The following LSAMP variants were observed in gnomAD, a reference collection of about 807,000 sequenced individuals.
The protein encoded by LSAMP is limbic system associated membrane protein.
A neutral mutation model predicts 38.6 loss-of-function variants in LSAMP; 7 were observed. The ratio of observed to expected loss-of-function variants is 0.18; its 90% confidence interval spans 0.10 to 0.34. The LOEUF (loss-of-function observed/expected upper bound fraction) is 0.34. LSAMP is among the 10% of genes least tolerant of loss of function. The probability of loss-of-function intolerance (pLI) is 1.00; values close to 1 mark genes in which losing one functional copy is unlikely to be tolerated. For missense variants in LSAMP, 313 were observed against 420.0 expected, an observed-to-expected ratio of 0.75 and a Z score of 2.23; for synonymous variants, 154 against 166.8, an observed-to-expected ratio of 0.92 and a Z score of 0.59.
chr3:116,012,846 G>T (rs1389255327), intron 3 of LSAMP, among the ~76,000 whole-genome samples: 2 of 152,094 alleles, frequency 1.3e-5, no homozygotes, highest in African/African-American at 4.8e-5. Flanking sequence ...ACTGCACCAA[G>T]AACTTTGCCT....
intron 3 of LSAMP, 150 bp from the exon 4 acceptor site, chr3:115,852,767 C>T (rs1935374457): frequency 1.4e-6 from 1 of 711,488 alleles, no homozygotes; most frequent in Non-Finnish European, 2.2e-6. Context: ...CAGAAGCAGA[C>T]CTCAAGACAA....
chr3:115,936,131 C>G (rs1372188872), intron 3 of LSAMP, among the ~76,000 whole-genome samples: 1 of 152,218 alleles, frequency 6.6e-6, no homozygotes, highest in African/African-American at 2.4e-5. Flanking sequence ...GAGAACCACA[C>G]TTTCTTACAA....
chr3:116,023,599 C>T (rs1280245751), intron 2 of LSAMP, among the ~76,000 whole-genome samples: 22 of 124,398 alleles, frequency 1.8e-4, no homozygotes, highest in Admixed American at 4.1e-4. Flanking sequence ...AGCGAGACTC[C>T]GTCTCAAAAA....
chr3:116,109,313 G>A (rs1708543627), intron 1 of LSAMP, among the ~76,000 whole-genome samples: 1 of 152,266 alleles, frequency 6.6e-6, no homozygotes, highest in East Asian at 1.9e-4. Context: ...AAAGATTATA[G>A]GGTGGAGGAG....
chr3:116,402,475 C>T (rs1398827305), intron 1 of LSAMP, among the ~76,000 whole-genome samples: 2 of 151,992 alleles, frequency 1.3e-5, no homozygotes, highest in African/African-American at 4.8e-5. Context: ...TTTTTAAAAA[C>T]ATACAAACAA....
chr3:116,232,168 G>C (rs1200086763), intron 1 of LSAMP, among the ~76,000 whole-genome samples: 1 of 152,182 alleles, frequency 6.6e-6, no homozygotes, highest in Admixed American at 6.5e-5. Flanking sequence ...GGGTTTTAAT[G>C]GTAGTACAAG....
intron 3 of LSAMP, among the ~76,000 whole-genome samples, chr3:115,984,881 C>T (rs952634271): frequency 2.0e-5 from 3 of 152,014 alleles, no homozygotes; most frequent in East Asian, 1.9e-4. Context: ...TTGGCATGTA[C>T]GAAACACAGA....
chr3:116,237,000 T>TAGACATAGGTAGG (rs2046473336), intron 1 of LSAMP, among the ~76,000 whole-genome samples: 1 of 151,644 alleles, frequency 6.6e-6, no homozygotes, highest in African/African-American at 2.4e-5. Flanking sequence ...ATAGGTATAT[T>TAGACATAGGTAGG]TATATTAGAC....
chr3:115,819,566 C>A (rs1013774761), intron 6 of LSAMP, among the ~76,000 whole-genome samples: 2 of 152,144 alleles, frequency 1.3e-5, no homozygotes, highest in African/African-American at 4.8e-5. Context: ...TCTAATGGAT[C>A]TCTTAGGAAA....
At chr3:116,366,394 A>C (rs1360218772) in intron 1 of LSAMP, among the ~76,000 whole-genome samples, 1 of 152,196 alleles carries the variant, frequency 6.6e-6, no homozygotes, top group Non-Finnish European at 1.5e-5. Flanking sequence ...CATGAAAATG[A>C]AGGCCAAGAT....
chr3:115,861,883 A>T (rs10934309), intron 3 of LSAMP, among the ~76,000 whole-genome samples: 1 of 152,008 alleles, frequency 6.6e-6, no homozygotes, highest in Admixed American at 6.5e-5. Flanking sequence ...TGGAGCAGGG[A>T]CTGCAGAACA....
At chr3:115,981,174 T>G (rs985871042) in intron 3 of LSAMP, among the ~76,000 whole-genome samples, 3 of 152,088 alleles carry the variant, frequency 2.0e-5, no homozygotes, top group African/African-American at 7.2e-5. Context: ...AAAAAGAAAG[T>G]AAGTTCAGCG....
chr3:116,223,777 T>C (rs2107619648), intron 1 of LSAMP, among the ~76,000 whole-genome samples: 1 of 152,304 alleles, frequency 6.6e-6, no homozygotes, highest in East Asian at 1.9e-4. Context: ...CATTTAACTA[T>C]ATGAGAGTCT....
chr3:116,384,377 T>TA (rs1263391397), intron 1 of LSAMP, among the ~76,000 whole-genome samples: 2 of 152,140 alleles, frequency 1.3e-5, no homozygotes, highest in African/African-American at 2.4e-5. Context: ...TAGGATCACC[T>TA]AAAAATATTT....
At chr3:115,985,964 G>A (rs1455390621) in intron 3 of LSAMP, among the ~76,000 whole-genome samples, 6 of 152,098 alleles carry the variant, frequency 3.9e-5, no homozygotes, top group Non-Finnish European at 5.9e-5. Context: ...CTAACTTTTC[G>A]ATCGATTTGT....
chr3:116,252,782 C>A (rs866319482), intron 1 of LSAMP, among the ~76,000 whole-genome samples: 3 of 152,214 alleles, frequency 2.0e-5, no homozygotes, highest in African/African-American at 7.2e-5. Flanking sequence ...TTTCGGCTAG[C>A]TCCGCAGATG....
At chr3:116,280,773 C>T (rs1462697165) in intron 1 of LSAMP, among the ~76,000 whole-genome samples, 1 of 152,178 alleles carries the variant, frequency 6.6e-6, no homozygotes, top group African/African-American at 2.4e-5. Flanking sequence ...TCAGTTTGTT[C>T]TTCTCTAGCC....
In LSAMP at chr3:116,062,573, G is replaced by C. The variant is rs181664043; in HGVS notation, c.388+23751C>G. ...CAGTGTGAAATCCAAAGTGCAGGAG[G>C]GTCTCTCTCTCTCTCTCCCTTTCTT... On this transcript the variant is annotated intron_variant, in intron 2 of 6. Coordinates refer to ENST00000490035, the MANE Select transcript of LSAMP (RefSeq NM_002338.5). 2.7e-3 allele frequency among the ~76,000 whole-genome samples: 410 copies of C among 151,754 alleles called. 4 individuals carry two copies. The highest frequency in any genetic ancestry group is 9.5e-3 in the African/African-American group (391 of 41,288).
intron 1 of LSAMP, among the ~76,000 whole-genome samples, chr3:116,432,079 A>G (rs952094430): frequency 6.6e-6 from 1 of 152,014 alleles, no homozygotes; most frequent in Non-Finnish European, 1.5e-5. Context: ...TTAATTAAAA[A>G]TAAAACATAC....
Sources: allele counts gnomAD v4.1 joint callset (sites outside exome capture counted in the v4.1 genomes callset), GRCh38; gene constraint gnomAD v4.1.1; transcripts MANE v1.5; gene names NCBI Gene and HGNC (gene_info 2026-07-23, HGNC 2026-07-21).